AKAP13: variants seen among roughly 807,000 people sequenced by gnomAD.
AKAP13 encodes A-kinase anchor protein 13.
A neutral mutation model predicts 264.5 loss-of-function variants in AKAP13; 80 were observed. The ratio of observed to expected loss-of-function variants is 0.30; its 90% CI spans 0.25 to 0.36. The LOEUF (loss-of-function observed/expected upper bound fraction) is 0.36, where lower values mean the gene tolerates loss of function less well. Among genes scored for constraint, AKAP13 ranks in the 10% least tolerant of loss-of-function variants. The pLI is 1.00. For missense variants in AKAP13, 3,712 were observed against 3,435.2 expected, an observed-to-expected ratio of 1.08 and a Z score of -2.01; for synonymous variants, 1,380 against 1,250.2, an observed-to-expected ratio of 1.10 and a Z score of -2.19.
At chr15:85,691,148 A>G (rs529780004) in intron 16 of AKAP13, among the ~76,000 whole-genome samples, 1 of 152,364 alleles carries the variant, frequency 6.6e-6, no homozygotes, top group South Asian at 2.1e-4. Flanking sequence ...AGTAGTTGTC[A>G]TGATCACTGA....
rs1371364078 is a variant in AKAP13 at position 85,746,685 on chromosome 15, A to G, written c.*2008A>G. The stretch of plus-strand genomic sequence containing the variant: ...AAAGTTAAGTTTCTTTCTTTCACCT[A>G]TTTGTACAACTCCAAGTTACAGCTG... On this transcript the variant is annotated 3_prime_UTR_variant, in exon 37 of 37. Transcript: ENST00000394518. 2 of 152,072 alleles carry G rather than the reference A, an allele frequency of 1.3e-5. No individual in the cohort carries two copies. Among genetic ancestry groups the G allele is most frequent in the African/African-American group, 4.8e-5 (2 of 41,396 alleles). The allele number at this position is 152,072 out of a possible 1,614,324, so 9.4% of individuals were successfully genotyped here. A position where few individuals can be genotyped will look rare whatever the true frequency, so the allele number is the denominator to read the frequency against.
intron 2 of AKAP13, among the ~76,000 whole-genome samples, chr15:85,511,293 C>T (rs570664341): frequency 1.3e-5 from 2 of 152,292 alleles, no homozygotes; most frequent in Admixed American, 6.5e-5. Flanking sequence ...GGAACACCAG[C>T]GTCTAGTCAT....
intron 1 of AKAP13, among the ~76,000 whole-genome samples, chr15:85,436,144 A>ACAATCTACCAAGCAATGGGAAACAC (rs1173844260): frequency 1.1e-5 from 1 of 89,404 alleles, no homozygotes; most frequent in African/African-American, 4.4e-5. Flanking sequence ...AATGGAAAAC[A>ACAATCTACCAAGCAATGGGAAACAC]AAAAAAGGCA....
chr15:85,608,837 A>C (rs2080470857), intron 8 of AKAP13, among the ~76,000 whole-genome samples: 1 of 152,190 alleles, frequency 6.6e-6, no homozygotes, highest in Non-Finnish European at 1.5e-5. Flanking sequence ...CAGACAAGGG[A>C]GATTAGACTG....
At chr15:85,442,475 T>TAATATAATA (rs1555429969) in intron 1 of AKAP13, among the ~76,000 whole-genome samples, 1 of 120,662 alleles carries the variant, frequency 8.3e-6, no homozygotes, top group Non-Finnish European at 1.7e-5. Flanking sequence ...ATAATATATA[T>TAATATAATA]TATATAATAT....
chr15:85,563,831 G>A (rs1232065558), intron 5 of AKAP13, among the ~76,000 whole-genome samples: 1 of 152,112 alleles, frequency 6.6e-6, no homozygotes, highest in South Asian at 2.1e-4. Flanking sequence ...AACTTTCTTT[G>A]CTTTTTCACA....
intron 1 of AKAP13, among the ~76,000 whole-genome samples, chr15:85,388,336 C>T (rs531441701): frequency 7.9e-5 from 12 of 152,036 alleles, no homozygotes; most frequent in Non-Finnish European, 1.3e-4. Context: ...TGAGCTACAG[C>T]GCTGGGCGTG....
chr15:85,555,083 T>C (rs1049819274), intron 5 of AKAP13, among the ~76,000 whole-genome samples: 1 of 151,762 alleles, frequency 6.6e-6, no homozygotes, highest in South Asian at 2.1e-4. Flanking sequence ...TGCTAAAATA[T>C]CTTGTGGCCC....
intron 2 of AKAP13, among the ~76,000 whole-genome samples, chr15:85,491,228 A>G (rs1343476852): frequency 1.3e-5 from 2 of 151,964 alleles, no homozygotes; most frequent in African/African-American, 2.4e-5. Context: ...GAACCCTACT[A>G]CAGCTCCTAT....
chr15:85,563,772 C>G (rs768831212), intron 5 of AKAP13, among the ~76,000 whole-genome samples: 2 of 152,124 alleles, frequency 1.3e-5, no homozygotes, highest in Non-Finnish European at 2.9e-5. Flanking sequence ...CTACTGTGTG[C>G]CAGGCATTAT....
chr15:85,506,712 T>A (rs1262584564), intron 2 of AKAP13, among the ~76,000 whole-genome samples: 2 of 152,176 alleles, frequency 1.3e-5, no homozygotes, highest in Non-Finnish European at 2.9e-5. Flanking sequence ...CAATGGTTAT[T>A]AGTGTTATAT....
intron 8 of AKAP13, among the ~76,000 whole-genome samples, chr15:85,633,018 A>C: frequency 6.6e-6 from 1 of 152,136 alleles, no homozygotes; most frequent in East Asian, 1.9e-4. Flanking sequence ...GGCATGTGCC[A>C]CCACGCCCAG....
chr15:85,412,706 T>G (rs536322842), intron 1 of AKAP13, among the ~76,000 whole-genome samples: 2 of 152,338 alleles, frequency 1.3e-5, no homozygotes, highest in Non-Finnish European at 2.9e-5. Context: ...AACCACTGAT[T>G]ATAGCTTACA....
chr15:85,451,163 T>C (rs989023855), intron 1 of AKAP13, among the ~76,000 whole-genome samples: 3 of 152,188 alleles, frequency 2.0e-5, no homozygotes, highest in Non-Finnish European at 4.4e-5. Flanking sequence ...TTGTTTGAAA[T>C]TAGGATTGCA....
chr15:85,433,117 GTTT>G (rs199655190), intron 1 of AKAP13, among the ~76,000 whole-genome samples: 15 of 53,224 alleles, frequency 2.8e-4, no homozygotes, highest in African/African-American at 1.2e-3. Context: ...CTTCTGTACA[GTTT>G]TTTTTTTTTT....
intron 8 of AKAP13, among the ~76,000 whole-genome samples, chr15:85,596,285 A>G (rs2079823248): frequency 6.6e-6 from 1 of 152,186 alleles, no homozygotes; most frequent in Non-Finnish European, 1.5e-5. Context: ...CTGAGTCATT[A>G]GTATTCATAT....
intron 1 of AKAP13, among the ~76,000 whole-genome samples, chr15:85,393,799 T>G (rs978958167): frequency 1.3e-5 from 2 of 152,230 alleles, no homozygotes; most frequent in African/African-American, 2.4e-5. Flanking sequence ...TTATTATATA[T>G]GCCATAAGTC....
At chr15:85,736,069 T>G (rs934477051) in intron 32 of AKAP13, 21 bp from the exon 33 acceptor site, 2 of 1,556,582 alleles carry the variant, frequency 1.3e-6, no homozygotes, top group Non-Finnish European at 1.8e-6. Flanking sequence ...TTTTTTTATA[T>G]GTATGTTTTT....
At chr15:85,397,065 A>G (rs1353670708) in intron 1 of AKAP13, among the ~76,000 whole-genome samples, 1 of 122,410 alleles carries the variant, frequency 8.2e-6, no homozygotes, top group Non-Finnish European at 1.6e-5. Context: ...TTTTTAAATA[A>G]TGCATTCCCA....
Sources: allele counts gnomAD v4.1 joint callset (sites outside exome capture counted in the v4.1 genomes callset), GRCh38; gene constraint gnomAD v4.1.1; transcripts MANE v1.5; gene names NCBI Gene and HGNC (gene_info 2026-07-23, HGNC 2026-07-21).